The following WDHD1 variants were observed in gnomAD, a reference collection of about 807,000 sequenced individuals.
The protein encoded by WDHD1 is WD repeat and HMG-box DNA-binding protein 1.
Under a neutral mutation model 135.4 loss-of-function variants are expected in WDHD1, and 111 were observed. The observed-to-expected ratio is 0.82, with a 90% CI of 0.70 to 0.96. The LOEUF is 0.96. Ranked by LOEUF, WDHD1 falls within the 40% of genes least tolerant of loss-of-function variation. WDHD1 has a pLI of 0.00. For missense variants in WDHD1, 1,351 were observed against 1,336.3 expected, an observed-to-expected ratio of 1.01 and a Z score of -0.17; for synonymous variants, 434 against 439.0, an observed-to-expected ratio of 0.99 and a Z score of 0.14.
Position 54,967,415 on chromosome 14 carries a change from C to T in WDHD1, c.2064-21G>A, listed in dbSNP as rs767918578. Reference sequence around the variant, plus strand: ...TGCACCTGTTAGTAAAGAAAAGTTCCATCATAAAAATTTACTAACATGTCA... The same window carrying T: ...TGCACCTGTTAGTAAAGAAAAGTTCTATCATAAAAATTTACTAACATGTCA... On this transcript the variant is annotated intron_variant, in intron 16 of 25. Coordinates refer to ENST00000360586, the MANE Select transcript of WDHD1 (RefSeq NM_007086.4). The T allele has an allele frequency of 1.9e-6, 3 of 1,553,702 alleles. No homozygotes were observed. The South Asian group carries it at 3.6e-5, about 19-fold the overall frequency.
chr14:54,954,694 C>G (rs572190155), intron 24 of WDHD1, among the ~76,000 whole-genome samples: 4 of 152,298 alleles, frequency 2.6e-5, no homozygotes, highest in Admixed American at 2.0e-4. Context: ...TTTACTTTTT[C>G]TGATAGCCTT....
chr14:55,010,301 A>G lies in WDHD1; in HGVS notation c.341+8T>C. 5 of 1,577,380 alleles carry G rather than the reference A, an allele frequency of 3.2e-6. No individual in the cohort carries two copies. The highest frequency in any genetic ancestry group is 4.3e-6 in the Non-Finnish European group (5 of 1,164,164). On this transcript the variant is annotated splice_region_variant and intron_variant, in intron 4 of 25. Transcript: ENST00000360586. ...ATTATTTCCTTTTCTGATGTCAAAG[A>G]GCCTTACCTAGATCCAGCAGCAATT...
chr14:55,000,615 C>A lies in WDHD1; in HGVS notation c.830G>T (p.Cys277Phe), dbSNP rs758400444. 1.3e-6 allele frequency: 2 copies of A among 1,598,010 alleles called. No individual in the cohort carries two copies. Among genetic ancestry groups the A allele is most frequent in the East Asian group, 4.5e-5 (2 of 44,056 alleles). ...RVKHEKGYAI[C>F]GLAWHPTCGR... Reference sequence around the variant, plus strand: ...ACAAGTAGGATGCCATGCCAGACCACAAATTGCATAACCTTTCTCATGTTT... The same window carrying A: ...ACAAGTAGGATGCCATGCCAGACCAAAAATTGCATAACCTTTCTCATGTTT... Residue 277 changes from cysteine (C) to phenylalanine (F), a missense_variant, in exon 10 of 26, where the codon TGT becomes TTT. Cys to Phe is a radical substitution (Grantham distance 205). Coordinates refer to ENST00000360586, the MANE Select transcript of WDHD1 (RefSeq NM_007086.4).
chr14:55,016,344 T>C (rs1280250645), intron 2 of WDHD1, among the ~76,000 whole-genome samples: 1 of 152,212 alleles, frequency 6.6e-6, no homozygotes, highest in Non-Finnish European at 1.5e-5. Context: ...GATTAAATAC[T>C]AAATTTCTTC....
chr14:55,018,319 T>C (rs1367344613), intron 2 of WDHD1, among the ~76,000 whole-genome samples: 2 of 152,256 alleles, frequency 1.3e-5, no homozygotes, highest in Non-Finnish European at 1.5e-5. Context: ...CTGAAATTTA[T>C]CCCTACAAAA....
chr14:55,007,400 C>T, intron 6 of WDHD1, 25 bp from the exon 7 acceptor site: 1 of 1,519,634 alleles, frequency 6.6e-7, no homozygotes, highest in Non-Finnish European at 8.9e-7. Flanking sequence ...AAGAAAATTT[C>T]TTTCCTTTAT....
chr14:55,001,988 G>T (rs2041987603), intron 8 of WDHD1, 105 bp downstream of exon 8: 2 of 770,544 alleles, frequency 2.6e-6, no homozygotes, highest in Admixed American at 2.6e-5. Context: ...CAACAGCCAG[G>T]AGTTGTTTTC....
intron 21 of WDHD1, among the ~76,000 whole-genome samples, chr14:54,960,508 A>C (rs28678578): frequency 0.072 from 10,561 of 146,346 alleles, 630 homozygotes; most frequent in African/African-American, 0.17. Context: ...ACTTCTTCTT[A>C]TTATTATTTT....
intron 24 of WDHD1, among the ~76,000 whole-genome samples, chr14:54,947,507 T>C (rs1376066391): frequency 6.6e-6 from 1 of 152,178 alleles, no homozygotes; most frequent in Non-Finnish European, 1.5e-5. Context: ...AAATAAGATA[T>C]ACTTTATTAT....
chr14:54,973,438 A>G (rs1407850439), intron 16 of WDHD1, among the ~76,000 whole-genome samples: 3 of 152,184 alleles, frequency 2.0e-5, no homozygotes, highest in Admixed American at 1.3e-4. Context: ...ACTATACAAT[A>G]AAAATACAAA....
chr14:54,956,185 A>G (rs2041156556), intron 23 of WDHD1, among the ~76,000 whole-genome samples: 1 of 152,196 alleles, frequency 6.6e-6, no homozygotes, highest in South Asian at 2.1e-4. Flanking sequence ...CAGGACTCAG[A>G]ACAAGGAAAA....
intron 16 of WDHD1, among the ~76,000 whole-genome samples, chr14:54,980,354 T>C (rs2041597463): frequency 6.6e-6 from 1 of 151,858 alleles, no homozygotes. Context: ...TCAGTGGTTT[T>C]TTTGTATATT....
rs561374557 is a variant in WDHD1 at position 55,005,097 on chromosome 14, T to C, written c.600+2183A>G. 2.8e-4 allele frequency: 150 copies of C among 534,444 alleles called. 3 individuals carry two copies. Among genetic ancestry groups the C allele is most frequent in the South Asian group, 9.3e-4 (66 of 71,264 alleles). 33.1% of individuals were successfully genotyped at this position (534,444 alleles called of 1,614,324 possible). A position where few individuals can be genotyped will look rare whatever the true frequency, so the allele number is the denominator to read the frequency against. ...AATCTCCTCAGGAACACTGTAGAAG[T>C]AGAGATCAGGCATGACCTCCCACAG... On this transcript the variant is annotated intron_variant, in intron 7 of 25. Transcript: ENST00000360586.
chr14:54,945,449 G>C (rs1406143071), intron 24 of WDHD1, among the ~76,000 whole-genome samples: 1 of 152,138 alleles, frequency 6.6e-6, no homozygotes, highest in Non-Finnish European at 1.5e-5. Flanking sequence ...AGTGAGAAAA[G>C]GGAGGCTCAG....
intron 16 of WDHD1, among the ~76,000 whole-genome samples, chr14:54,974,374 A>G (rs1239914730): frequency 6.6e-6 from 1 of 151,878 alleles, no homozygotes; most frequent in East Asian, 1.9e-4. Context: ...CAGAAGTTGC[A>G]GTGAGCTGAG....
intron 17 of WDHD1, 86 bp downstream of exon 17, chr14:54,967,194 A>C: frequency 9.4e-7 from 1 of 1,064,894 alleles, no homozygotes; most frequent in Non-Finnish European, 1.4e-6. Context: ...AATATTCAAT[A>C]CTGGCCATCA....
intron 2 of WDHD1, among the ~76,000 whole-genome samples, chr14:55,024,691 G>A (rs1048152476): frequency 2.7e-4 from 40 of 147,960 alleles, no homozygotes; most frequent in African/African-American, 9.7e-4. Flanking sequence ...CCCCAACCCC[G>A]TGCTCTCTGA....
rs918291541 is a variant in WDHD1, at chr14:54,941,562, C to A, written c.3318G>T (p.Leu1106Phe). 1.2e-6 allele frequency: 2 copies of A among 1,613,768 alleles called. No homozygotes were observed. The highest frequency in any genetic ancestry group is 1.3e-5 in the African/African-American group (1 of 74,910). The change falls in exon 26 of 26, where the codon TTG becomes TTT. Residue 1106 changes from leucine to phenylalanine, a missense_variant. By Grantham distance (22) the Leu-to-Phe change is conservative. Transcript: ENST00000360586. ...AATCTAAAGGTTTCTGCTTTTTAGA[C>A]AAATTCAGGTTCTCTTTTGCTTTTT... ...QEEKAKENLN[L>F]SKKQKPLDFS...
At chr14:54,943,360 G>C (rs887347139) in intron 25 of WDHD1, among the ~76,000 whole-genome samples, 1 of 152,060 alleles carries the variant, frequency 6.6e-6, no homozygotes, top group Admixed American at 6.6e-5. Flanking sequence ...GAACCCTAAA[G>C]TAGTATTCAA....
Sources: allele counts gnomAD v4.1 joint callset (sites outside exome capture counted in the v4.1 genomes callset), GRCh38; gene constraint gnomAD v4.1.1; transcripts MANE v1.5; gene names NCBI Gene and HGNC (gene_info 2026-07-23, HGNC 2026-07-21).